DPP4: variants seen among roughly 807,000 people sequenced by gnomAD.
The protein encoded by DPP4 is dipeptidyl peptidase 4, also known as ADCP-2.
A neutral mutation model predicts 122.4 loss-of-function variants in DPP4; 93 were observed. The ratio of observed to expected loss-of-function variants is 0.76; its 90% CI spans 0.64 to 0.90. DPP4 has a LOEUF of 0.90. Among genes scored for constraint, DPP4 ranks in the 40% least tolerant of loss-of-function variants. DPP4 has a pLI of 0.00. For synonymous variants in DPP4, 321 were observed against 302.9 expected (o/e 1.06, Z -0.62); for missense variants, 914 against 907.3 (o/e 1.01, Z -0.09).
chr2:162,019,894 C>G (rs1243664265), intron 14 of DPP4, among the ~76,000 whole-genome samples: 1 of 152,144 alleles, frequency 6.6e-6, no homozygotes, highest in Non-Finnish European at 1.5e-5. Context: ...AATTGCCTTT[C>G]CAAGCCTTCC....
chr2:162,019,136 T>C (rs1226488067), intron 15 of DPP4, 87 bp downstream of exon 15: 1 of 1,223,138 alleles, frequency 8.2e-7, no homozygotes, highest in Non-Finnish European at 1.2e-6. Context: ...TTAATATTAG[T>C]TAGGACAAGG....
Position 162,074,213 on chromosome 2 carries a change from A to G in DPP4, c.-232T>C. 1 of 1,220,688 alleles carries G rather than the reference A, an allele frequency of 8.2e-7. No homozygotes were observed. Among genetic ancestry groups the G allele is most frequent in the Non-Finnish European group, 1.0e-6 (1 of 981,596 alleles). The allele number at this position is 1,220,688 out of a possible 1,614,324, so 75.6% of individuals were successfully genotyped here. On this transcript the variant is annotated 5_prime_UTR_variant, in exon 1 of 26. Coordinates refer to ENST00000360534, the MANE Select transcript of DPP4 (RefSeq NM_001935.4). ...GGAGCAGGCGCGCGTGGCGCGGGGCACTGGCATCCCGGCCGGGGGGAGCCC... is the reference window on the plus strand; with the variant it reads ...GGAGCAGGCGCGCGTGGCGCGGGGCGCTGGCATCCCGGCCGGGGGGAGCCC...
At chr2:162,032,646 T>C (rs1442547667) in intron 10 of DPP4, among the ~76,000 whole-genome samples, 2 of 151,584 alleles carry the variant, frequency 1.3e-5, no homozygotes, top group Admixed American at 6.6e-5. Context: ...ATCACTGCAC[T>C]CTAGCCTGGG....
At chr2:162,041,413 A>G (rs1683982083) in intron 5 of DPP4, among the ~76,000 whole-genome samples, 2 of 152,192 alleles carry the variant, frequency 1.3e-5, no homozygotes, top group Non-Finnish European at 1.5e-5. Flanking sequence ...TGTATCAATG[A>G]GGATGAGACG....
intron 10 of DPP4, among the ~76,000 whole-genome samples, chr2:162,031,562 G>C (rs1048082778): frequency 3.9e-5 from 6 of 152,138 alleles, no homozygotes; most frequent in Non-Finnish European, 8.8e-5. Flanking sequence ...TCTTCTCCTG[G>C]GAAGCACTGA....
intron 2 of DPP4, among the ~76,000 whole-genome samples, chr2:162,057,058 A>G (rs1024378779): frequency 1.3e-5 from 2 of 151,144 alleles, no homozygotes; most frequent in South Asian, 4.2e-4. Flanking sequence ...CCAACCAATC[A>G]ACAGCACCCA....
chr2:162,009,415 T>C, intron 20 of DPP4, 120 bp from the exon 21 acceptor site: 1 of 798,774 alleles, frequency 1.3e-6, no homozygotes, highest in Non-Finnish European at 2.1e-6. Flanking sequence ...AGACTAAAAA[T>C]TGCTGCCAGT....
chr2:162,033,333 G>A (rs1465089315), intron 10 of DPP4, among the ~76,000 whole-genome samples: 1 of 152,154 alleles, frequency 6.6e-6, no homozygotes, highest in African/African-American at 2.4e-5. Flanking sequence ...TGGCTGCTCT[G>A]TCCATTGTCA....
Position 162,047,457 on chromosome 2 carries a change from C to A in DPP4, c.139G>T (p.Asp47Tyr). The A allele has an allele frequency of 1.3e-6, 2 of 1,588,110 alleles. No individual in the cohort carries two copies. Among genetic ancestry groups the A allele is most frequent in the Non-Finnish European group, 1.7e-6 (2 of 1,162,436 alleles). The change falls in exon 3 of 26, where the codon GAT becomes TAT. Residue 47 changes from aspartate (D) to tyrosine (Y), a missense_variant. Physicochemically the swap from Asp to Tyr is radical, Grantham distance 160. Coordinates refer to ENST00000360534, the MANE Select transcript of DPP4 (RefSeq NM_001935.4). Reference protein sequence around the residue: ...ADSRKTYTLTDYLKNTYRLKL... With the variant: ...ADSRKTYTLTYYLKNTYRLKL... ...AGTCTATAAGTATTTTTTAAGTAAT[C>A]AGTTAGAGTGTAAGTTTTGCGACTG... is the stretch of plus-strand genomic sequence containing the variant.
At chr2:162,005,524 G>T in intron 23 of DPP4, 1 of 388,198 alleles carries the variant, frequency 2.6e-6, no homozygotes, top group South Asian at 9.3e-5. Flanking sequence ...ATTTCTAAAT[G>T]AATGCATATT....
chr2:162,042,834 C>A (rs1484585746), intron 5 of DPP4, among the ~76,000 whole-genome samples: 2 of 152,076 alleles, frequency 1.3e-5, no homozygotes, highest in East Asian at 1.9e-4. Context: ...GCAAAGAAAT[C>A]AATGACAAAA....
intron 2 of DPP4, among the ~76,000 whole-genome samples, chr2:162,070,970 C>T (rs554310226): frequency 3.9e-5 from 6 of 152,264 alleles, no homozygotes; most frequent in South Asian, 2.1e-4. Context: ...TCTGTTTAAC[C>T]GGTTACCGAA....
Position 162,008,656 on chromosome 2 carries a change from A to G in DPP4, c.1893T>C (p.Tyr631=). 1.2e-6 allele frequency: 2 copies of G among 1,613,414 alleles called. No individual in the cohort carries two copies. Among genetic ancestry groups the G allele is most frequent in the Non-Finnish European group, 1.7e-6 (2 of 1,179,448 alleles). ...GGACCATTGAGGTTACGTACCCTCCATATGACTAAGGAATGGAAACAGTTA... is the reference window on the plus strand; with the variant it reads ...GGACCATTGAGGTTACGTACCCTCCGTATGACTAAGGAATGGAAACAGTTA... ...NKRIAIWGWS[Y]GGYVTSMVLG... The change falls in exon 22 of 26, where the codon TAT becomes TAC. Residue 631 remains tyrosine, a synonymous_variant. Transcript: ENST00000360534.
At chr2:162,033,862 G>GTA (rs138320647) in intron 9 of DPP4, among the ~76,000 whole-genome samples, 16,475 of 103,740 alleles carry the variant, frequency 0.16, 1,339 homozygotes, top group Admixed American at 0.24. Flanking sequence ...CAGAATATGT[G>GTA]TATATATATA....
chr2:162,069,931 T>A (rs759313658), intron 2 of DPP4, among the ~76,000 whole-genome samples: 1 of 152,230 alleles, frequency 6.6e-6, no homozygotes, highest in African/African-American at 2.4e-5. Context: ...GAGATATACT[T>A]CTTTTCCATA....
intron 18 of DPP4, 67 bp downstream of exon 18, chr2:162,016,701 G>T: frequency 1.0e-6 from 1 of 988,382 alleles, no homozygotes; most frequent in South Asian, 2.0e-5. Context: ...TTTTCAGATC[G>T]AATTACTATA....
At chr2:162,034,953 T>G (rs899418105) in intron 9 of DPP4, among the ~76,000 whole-genome samples, 4 of 151,964 alleles carry the variant, frequency 2.6e-5, no homozygotes, top group African/African-American at 7.3e-5. Flanking sequence ...TTCCTCAAAG[T>G]TTTTGGAGAA....
chr2:161,994,925 G>T, intron 25 of DPP4, 36 bp downstream of exon 25: 2 of 1,589,330 alleles, frequency 1.3e-6, no homozygotes, highest in Non-Finnish European at 1.7e-6. Flanking sequence ...GACCCCACCA[G>T]CAACTTCCCT....
At chr2:161,995,209 T>TTTTATTG in intron 24 of DPP4, 91 bp downstream of exon 24, 1 of 1,353,656 alleles carries the variant, frequency 7.4e-7, no homozygotes, top group South Asian at 1.2e-5. Flanking sequence ...GAAGTAAATG[T>TTTTATTG]AACAGTCTTG....
Sources: gnomAD v4.1 joint callset for allele counts (sites outside exome capture counted in the v4.1 genomes callset) on GRCh38, gnomAD v4.1.1 for gene constraint, MANE v1.5 for transcripts, NCBI Gene and HGNC (gene_info 2026-07-23, HGNC 2026-07-21) for gene names.